TGFBR3: variants seen among roughly 807,000 people sequenced by gnomAD.
TGFBR3 encodes transforming growth factor beta receptor 3, also known as transforming growth factor beta receptor type 3.
A neutral mutation model predicts 87.9 loss-of-function variants in TGFBR3; 46 were observed. That is an observed-to-expected ratio of 0.52 (90% CI 0.41 to 0.67). The LOEUF is 0.67. Ranked by LOEUF, TGFBR3 falls within the 30% of genes least tolerant of loss-of-function variation. TGFBR3 has a pLI of 0.00. For synonymous variants in TGFBR3, 381 were observed against 391.6 expected (o/e 0.97, Z 0.32); for missense variants, 866 against 1,041.9 (o/e 0.83, Z 2.32).
intron 14 of TGFBR3, among the ~76,000 whole-genome samples, chr1:91,699,618 C>T (rs983711246): frequency 1.8e-4 from 27 of 152,108 alleles, no homozygotes; most frequent in African/African-American, 6.3e-4. Context: ...ACTATGAAGA[C>T]GTTCATATGC....
intron 2 of TGFBR3, among the ~76,000 whole-genome samples, chr1:91,897,357 A>T (rs1377101151): frequency 1.3e-5 from 2 of 152,212 alleles, no homozygotes; most frequent in Non-Finnish European, 2.9e-5. Flanking sequence ...TAGGTCTGAA[A>T]AGCATATTTG....
chr1:91,708,537 T>A, intron 14 of TGFBR3, 126 bp downstream of exon 14: 1 of 1,506,112 alleles, frequency 6.6e-7, no homozygotes, highest in Non-Finnish European at 9.1e-7. Flanking sequence ...AAAAATGGTC[T>A]TCTAAAGTAA....
At chr1:91,734,065 G>GGAGGGAGA (rs1672868444) in intron 5 of TGFBR3, among the ~76,000 whole-genome samples, 1 of 136,560 alleles carries the variant, frequency 7.3e-6, no homozygotes, top group Non-Finnish European at 1.6e-5. Context: ...AGGGAGGGAG[G>GGAGGGAGA]GAGGGAGGGA....
chr1:91,872,946 T>C (rs1038388828), intron 1 of TGFBR3, among the ~76,000 whole-genome samples: 10 of 150,754 alleles, frequency 6.6e-5, no homozygotes, highest in African/African-American at 2.2e-4. Context: ...CCGAGATTGA[T>C]GGTTTTCCCT....
upstream of TGFBR3, among the ~76,000 whole-genome samples, chr1:91,890,407 A>ATTTT (rs1557765290): frequency 3.5e-5 from 2 of 57,884 alleles, no homozygotes; most frequent in African/African-American, 5.4e-5. Context: ...TTTCTCTATA[A>ATTTT]TCTTTTTTTT....
intron 2 of TGFBR3, among the ~76,000 whole-genome samples, chr1:91,805,519 C>T (rs1487676670): frequency 2.6e-5 from 4 of 152,214 alleles, no homozygotes; most frequent in Non-Finnish European, 4.4e-5. Context: ...GACCTGAAGA[C>T]AGCACAAATT....
chr1:91,748,595 C>T (rs1323954030), intron 4 of TGFBR3, among the ~76,000 whole-genome samples: 1 of 152,146 alleles, frequency 6.6e-6, no homozygotes, highest in African/African-American at 2.4e-5. Flanking sequence ...AATTCTGAAG[C>T]CCTGTTCTTG....
Position 91,683,382 on chromosome 1 carries a change from C to T in TGFBR3, c.*357G>A, listed in dbSNP as rs979878221. 2.2e-5 allele frequency: 11 copies of T among 506,908 alleles called. No individual in the cohort carries two copies. The highest frequency in any genetic ancestry group is 4.5e-5 in the Admixed American group (2 of 43,992). The allele number at this position is 506,908 out of a possible 1,614,324, so 31.4% of individuals were successfully genotyped here. A position where few individuals can be genotyped will look rare whatever the true frequency, so the allele number is the denominator to read the frequency against. ...ACCAACTCCTTGAGTCTGGGTAAAACTCAGGGCCCCAAATTATGGATGTTC... is the reference window on the plus strand; with the variant it reads ...ACCAACTCCTTGAGTCTGGGTAAAATTCAGGGCCCCAAATTATGGATGTTC... On this transcript the variant is annotated 3_prime_UTR_variant, in exon 17 of 17. Coordinates refer to ENST00000212355, the MANE Select transcript of TGFBR3 (RefSeq NM_003243.5).
chr1:91,863,004 T>C (rs1382234786), intron 1 of TGFBR3, among the ~76,000 whole-genome samples: 2 of 152,194 alleles, frequency 1.3e-5, no homozygotes, highest in Non-Finnish European at 2.9e-5. Context: ...TCTTAATTTA[T>C]TGCATCAAGT....
chr1:91,896,963 CT>C (rs1006054198), intron 2 of TGFBR3, among the ~76,000 whole-genome samples: 5 of 146,168 alleles, frequency 3.4e-5, no homozygotes, highest in African/African-American at 7.6e-5. Context: ...TCTTTTTTAA[CT>C]TTTTTTTAAA....
intron 2 of TGFBR3, among the ~76,000 whole-genome samples, chr1:91,841,079 G>C (rs1677259507): frequency 6.6e-6 from 1 of 152,174 alleles, no homozygotes; most frequent in South Asian, 2.1e-4. Context: ...CCAAAGTGCT[G>C]GGATTACAGG....
chr1:91,719,594 A>T, intron 9 of TGFBR3, 130 bp from the exon 10 acceptor site: 1 of 1,190,652 alleles, frequency 8.4e-7, no homozygotes. Flanking sequence ...CCCTTCCCCA[A>T]GTATCTCTTC....
chr1:91,806,517 C>A (rs1474510245), intron 2 of TGFBR3, among the ~76,000 whole-genome samples: 2 of 151,924 alleles, frequency 1.3e-5, no homozygotes, highest in Non-Finnish European at 2.9e-5. Flanking sequence ...AAGTAATTTT[C>A]ACATTTAATA....
intron 4 of TGFBR3, 132 bp downstream of exon 4, chr1:91,758,481 C>T: frequency 9.0e-7 from 1 of 1,105,710 alleles, no homozygotes; most frequent in South Asian, 1.3e-5. Context: ...TAAGTGCATC[C>T]TCCAAATTTA....
chr1:91,787,078 A>AGAT (rs1674997410), intron 3 of TGFBR3, among the ~76,000 whole-genome samples: 1 of 152,098 alleles, frequency 6.6e-6, no homozygotes, highest in South Asian at 2.1e-4. Flanking sequence ...TGAGACAGGC[A>AGAT]GATCACGAGG....
intron 1 of TGFBR3, among the ~76,000 whole-genome samples, chr1:91,881,156 T>G (rs1473081043): frequency 6.6e-6 from 1 of 152,138 alleles, no homozygotes; most frequent in Non-Finnish European, 1.5e-5. Flanking sequence ...AAGCTTAAAA[T>G]GTAAAGTCAG....
At chr1:91,880,322 C>A (rs900140464) in intron 1 of TGFBR3, among the ~76,000 whole-genome samples, 1 of 152,070 alleles carries the variant, frequency 6.6e-6, no homozygotes, top group Non-Finnish European at 1.5e-5. Context: ...AAAATATGGC[C>A]GGGCGCGATG....
At chr1:91,731,832 CAT>C (rs1199637667) in intron 5 of TGFBR3, among the ~76,000 whole-genome samples, 2 of 152,166 alleles carry the variant, frequency 1.3e-5, no homozygotes, top group Non-Finnish European at 2.9e-5. Flanking sequence ...AATATTCACT[CAT>C]GTGAAGCCAC....
intron 3 of TGFBR3, among the ~76,000 whole-genome samples, chr1:91,790,923 A>C (rs1222355831): frequency 6.6e-6 from 1 of 152,186 alleles, no homozygotes; most frequent in Non-Finnish European, 1.5e-5. Flanking sequence ...CAAGCACTGT[A>C]TTATCTGAAT....
Sources: gnomAD v4.1 joint callset for allele counts (sites outside exome capture counted in the v4.1 genomes callset) on GRCh38, gnomAD v4.1.1 for gene constraint, MANE v1.5 for transcripts, NCBI Gene and HGNC (gene_info 2026-07-23, HGNC 2026-07-21) for gene names.